SPTBN4: variants seen among roughly 807,000 people sequenced by gnomAD.
SPTBN4 encodes spectrin beta chain, non-erythrocytic 4.
In SPTBN4, 96 loss-of-function variants were observed where a neutral mutation model predicts 277.8. The observed-to-expected ratio is 0.35, with a 90% CI of 0.29 to 0.41. The LOEUF (loss-of-function observed/expected upper bound fraction) is 0.41, where lower values mean the gene tolerates loss of function less well. SPTBN4 is among the 10% of genes least tolerant of loss of function. The pLI, the probability that SPTBN4 is intolerant of heterozygous loss-of-function variation, is 1.00. For missense variants in SPTBN4, 3,006 were observed against 3,595.7 expected, an observed-to-expected ratio of 0.84 and a Z score of 4.19; for synonymous variants, 1,481 against 1,580.3, an observed-to-expected ratio of 0.94 and a Z score of 1.49.
In SPTBN4 at chr19:40,565,499, C is replaced by T. The variant is rs986276082; in HGVS notation, c.5992C>T (p.Leu1998=). 9.9e-6 allele frequency: 16 copies of T among 1,614,152 alleles called. No individual in the cohort carries two copies. The highest frequency in any genetic ancestry group is 1.4e-5 in the Non-Finnish European group (16 of 1,180,034). The part of the protein sequence containing the change: ...KTELEARVPE[L]TTCQELGRSL... ...TGAGCTGGAGGCGCGGGTGCCTGAGCTGACCACCTGCCAGGAGCTGGGGCG... is the reference window on the plus strand; with the variant it reads ...TGAGCTGGAGGCGCGGGTGCCTGAGTTGACCACCTGCCAGGAGCTGGGGCG... Residue 1998 remains leucine (L), a synonymous_variant, in exon 28 of 36, where the codon CTG becomes TTG. Transcript: ENST00000598249.
Position 40,534,125 on chromosome 19 carries a change from G to A in SPTBN4, c.4141G>A (p.Val1381Met), listed in dbSNP as rs34951265. Residue 1381 changes from valine to methionine, a missense_variant, in exon 20 of 36, where the codon GTG becomes ATG. Coordinates refer to ENST00000598249, the MANE Select transcript of SPTBN4 (RefSeq NM_020971.3). ...GGAGAAGCCCGAACTGGCGGCCTCC[G>A]TGCGGAAGAAGCTGGGCGAGATCCG... ...MQEKPELAAS[V>M]RKKLGEIRQC... 179 of 1,610,996 alleles carry A rather than the reference G, an allele frequency of 1.1e-4. No homozygotes were observed. The highest frequency in any genetic ancestry group is 1.5e-4 in the South Asian group (14 of 90,762).
At chr19:40,522,883 G>C (rs941841389) in intron 16 of SPTBN4, among the ~76,000 whole-genome samples, 3 of 150,750 alleles carry the variant, frequency 2.0e-5, no homozygotes, top group Non-Finnish European at 4.4e-5. Context: ...TGTAATCCCA[G>C]CACTTCGGGA....
At chr19:40,495,228 C>G (rs544993424) in intron 6 of SPTBN4, among the ~76,000 whole-genome samples, 1 of 152,204 alleles carries the variant, frequency 6.6e-6, no homozygotes, top group Admixed American at 6.5e-5. Flanking sequence ...CATGAGCCCT[C>G]GCACAGATGC....
At chr19:40,507,334 A>AAAAT (rs1568788323) in intron 13 of SPTBN4, among the ~76,000 whole-genome samples, 2 of 151,366 alleles carry the variant, frequency 1.3e-5, no homozygotes, top group Non-Finnish European at 2.9e-5. Context: ...TAAAATAAAA[A>AAAAT]AAAAAAAAGT....
At chr19:40,562,973 G>A (rs538582815) in intron 27 of SPTBN4, among the ~76,000 whole-genome samples, 6 of 152,298 alleles carry the variant, frequency 3.9e-5, no homozygotes, top group Admixed American at 3.9e-4. Context: ...ACACTGGGAG[G>A]CCAAGGCAAG....
Position 40,572,171 on chromosome 19 carries a change from A to C in SPTBN4, c.7472A>C (p.Lys2491Thr). 1.2e-6 allele frequency: 2 copies of C among 1,602,198 alleles called. No homozygotes were observed. The highest frequency in any genetic ancestry group is 1.7e-6 in the Non-Finnish European group (2 of 1,172,816). Residue 2491 changes from lysine (K) to threonine (T), a missense_variant, in exon 34 of 36, where the codon AAG (lysine) becomes ACG (threonine). Around this residue, in one of 5 missense-constraint regions of SPTBN4, gnomAD observed 630 missense variants for 677.6 expected, o/e 0.93. Transcript: ENST00000598249. ...TSEVASDYKK[K>T]KHVFKLQTQD... Reference sequence around the variant, plus strand: ...GAGGTGGCTAGTGACTACAAGAAAAAGAAGCATGTCTTCAAGCTCCAGTGA... The same window carrying C: ...GAGGTGGCTAGTGACTACAAGAAAACGAAGCATGTCTTCAAGCTCCAGTGA...
Position 40,560,315 on chromosome 19 carries a change from G to A in SPTBN4, c.5827G>A (p.Asp1943Asn), listed in dbSNP as rs770799293. 36 of 1,613,958 alleles carry A rather than the reference G, an allele frequency of 2.2e-5. 1 individual carries two copies. The highest frequency in any genetic ancestry group is 3.3e-4 in the Middle Eastern group (2 of 6,084). ...CCGCCTGCATGTCAGCTCCACAGCC[G>A]ACGCCCTGCGCTTCCACAGCCAAGT... is the stretch of plus-strand genomic sequence containing the variant. ...DARLHVSSTADALRFHSQVRD... is the reference protein window; with the variant it reads ...DARLHVSSTANALRFHSQVRD... Residue 1943 changes from aspartate to asparagine, a missense_variant, in exon 27 of 36, where the codon GAC becomes AAC. Around this residue, in one of 5 missense-constraint regions of SPTBN4, gnomAD observed 425 missense variants for 594.7 expected, o/e 0.71. Coordinates refer to ENST00000598249, the MANE Select transcript of SPTBN4 (RefSeq NM_020971.3). This position sits in a 1 kb window ranked among gnomAD's most constrained non-coding sequence, Gnocchi z 5.2.
chr19:40,534,112 A>G lies in SPTBN4; in HGVS notation c.4128A>G (p.Glu1376=), dbSNP rs762901433. The G allele has an allele frequency of 1.2e-6, 2 of 1,608,020 alleles. No homozygotes were observed. Among genetic ancestry groups the G allele is most frequent in the East Asian group, 2.2e-5 (1 of 44,724 alleles). ...EGQQLMQEKP[E]LAASVRKKLG... Reference sequence around the variant, plus strand: ...AGCAACTGATGCAGGAGAAGCCCGAACTGGCGGCCTCCGTGCGGAAGAAGC... The same window carrying G: ...AGCAACTGATGCAGGAGAAGCCCGAGCTGGCGGCCTCCGTGCGGAAGAAGC... The change falls in exon 20 of 36, where the codon GAA becomes GAG. Residue 1376 remains glutamate, a synonymous_variant. Transcript: ENST00000598249.
rs1451496129 is a variant in SPTBN4, at chr19:40,512,764, T to G, written c.1975T>G (p.Trp659Gly). 2 of 1,508,264 alleles carry G rather than the reference T, an allele frequency of 1.3e-6. No individual in the cohort carries two copies. Among genetic ancestry groups the G allele is most frequent in the Non-Finnish European group, 1.8e-6 (2 of 1,137,062 alleles). 93.4% of individuals were successfully genotyped at this position (1,508,264 alleles called of 1,614,324 possible). The change falls in exon 14 of 36, where the codon TGG becomes GGG. Residue 659 changes from tryptophan to glycine, a missense_variant. By Grantham distance (184) the Trp-to-Gly change is radical (BLOSUM62 -2). This residue lies in a region of SPTBN4 where 1,759 missense variants were observed against 2,061.5 expected (regional missense o/e 0.85). Coordinates refer to ENST00000598249, the MANE Select transcript of SPTBN4 (RefSeq NM_020971.3). ...GCAGGAGCTGGAGGAGGCCGAGAGC[T>G]GGGCGCGCGACAAGGAGCGTCTCCT... ...LLQELEEAES[W>G]ARDKERLLEA...
intron 2 of SPTBN4, among the ~76,000 whole-genome samples, chr19:40,485,255 T>C (rs1486379650): frequency 6.6e-6 from 1 of 152,218 alleles, no homozygotes; most frequent in Non-Finnish European, 1.5e-5. Context: ...GTTCAAGCGA[T>C]TGTCATCCCT....
At chr19:40,505,382 CAAAA>C (rs1209780246) in intron 12 of SPTBN4, among the ~76,000 whole-genome samples, 5 of 55,860 alleles carry the variant, frequency 9.0e-5, no homozygotes, top group Non-Finnish European at 9.8e-5. Context: ...GACCCTGTCT[CAAAA>C]AAAAAAAAAA....
intron 18 of SPTBN4, among the ~76,000 whole-genome samples, chr19:40,531,784 G>T (rs188981861): frequency 3.9e-5 from 6 of 152,124 alleles, no homozygotes; most frequent in Non-Finnish European, 8.8e-5. Flanking sequence ...TGGGGGTGCT[G>T]GCCGGGCTTG....
At chr19:40,509,585 C>T (rs1453151337) in intron 13 of SPTBN4, among the ~76,000 whole-genome samples, 1 of 152,146 alleles carries the variant, frequency 6.6e-6, no homozygotes, top group Admixed American at 6.5e-5. Flanking sequence ...ATGGCTAGCC[C>T]TGAGTGCTGA....
intron 26 of SPTBN4, among the ~76,000 whole-genome samples, chr19:40,558,672 A>C (rs956583502): frequency 3.3e-5 from 5 of 151,662 alleles, no homozygotes; most frequent in Non-Finnish European, 5.9e-5. Flanking sequence ...CAGTGGCGCG[A>C]TCTCAGCTCA....
chr19:40,569,627 C>G, intron 31 of SPTBN4, 30 bp from the exon 32 acceptor site: 2 of 1,609,928 alleles, frequency 1.2e-6, no homozygotes, highest in Non-Finnish European at 1.7e-6. Context: ...ACCCTGGTTT[C>G]ACTGGGTCTT....
chr19:40,489,993 C>A, intron 3 of SPTBN4, 82 bp from the exon 4 acceptor site: 1 of 1,420,750 alleles, frequency 7.0e-7, no homozygotes, highest in South Asian at 1.5e-5. Flanking sequence ...GGGAGGCGGG[C>A]TTCTTTGGAA....
chr19:40,571,946 C>A, intron 33 of SPTBN4, 73 bp from the exon 34 acceptor site: 2 of 1,470,032 alleles, frequency 1.4e-6, no homozygotes. Flanking sequence ...ATATTCAGAC[C>A]TTGAGGATGT....
chr19:40,519,298 G>C lies in SPTBN4; in HGVS notation c.2904-103G>C. ...TGGAGAAACTTTCTGAGGTCACACA[G>C]TGGCTGGGTGGCTTGGGCCTGGATT... On this transcript the variant is annotated intron_variant, in intron 15 of 35. Transcript: ENST00000598249. The surrounding 1 kb of genome is among the most constrained non-coding windows in gnomAD (Gnocchi z 5.7). The C allele has an allele frequency of 8.2e-7, 1 of 1,217,704 alleles. No individual in the cohort carries two copies. Among genetic ancestry groups the C allele is most frequent in the East Asian group, 3.0e-5 (1 of 33,860 alleles). 75.4% of individuals were successfully genotyped at this position (1,217,704 alleles called of 1,614,324 possible).
At position 40,506,519 on chromosome 19, in the gene SPTBN4, A is replaced by G. The variant is rs563913338; in HGVS notation, c.1816+133A>G. On this transcript the variant is annotated intron_variant, in intron 13 of 35. Coordinates refer to ENST00000598249, the MANE Select transcript of SPTBN4 (RefSeq NM_020971.3). ...TGGAGGCATTTAAGCAGAGCCTAAG[A>G]TTACATTCCACTGGGGAAGTCATAG... 2.0e-5 allele frequency: 26 copies of G among 1,327,942 alleles called. No homozygotes were observed. The African/African-American group carries it at 3.7e-4, about 19-fold the overall frequency. The allele number at this position is 1,327,942 out of a possible 1,614,324, so 82.3% of individuals were successfully genotyped here.
Sources: gnomAD v4.1 joint callset for allele counts (sites outside exome capture counted in the v4.1 genomes callset) on GRCh38, gnomAD v4.1.1 for gene constraint, gnomAD v4.1.1 regional missense constraint, Gnocchi (gnomAD v3.1) non-coding constraint, MANE v1.5 for transcripts, NCBI Gene and HGNC (gene_info 2026-07-23, HGNC 2026-07-21) for gene names.